XYLT1: variants seen among roughly 807,000 people sequenced by gnomAD.
XYLT1 encodes the protein beta-D-xylosyltransferase 1.
XYLT1 carries 36 observed loss-of-function variants against 91.3 expected under a neutral mutation model. The observed-to-expected ratio is 0.39, with a 90% CI of 0.30 to 0.52. The LOEUF is 0.52. Ranked by LOEUF, XYLT1 falls within the 20% of genes least tolerant of loss-of-function variation. The pLI is 0.68. For missense variants in XYLT1, 1,242 were observed against 1,284.5 expected, an observed-to-expected ratio of 0.97 and a Z score of 0.51; for synonymous variants, 588 against 532.0, an observed-to-expected ratio of 1.11 and a Z score of -1.45.
At chr16:17,417,802 A>G (rs1031949757) in intron 1 of XYLT1, among the ~76,000 whole-genome samples, 1 of 152,240 alleles carries the variant, frequency 6.6e-6, no homozygotes, top group Non-Finnish European at 1.5e-5. Context: ...CTAAGCCTCA[A>G]TGATAACATA....
chr16:17,441,795 G>A (rs911996693), intron 1 of XYLT1, among the ~76,000 whole-genome samples: 1 of 152,084 alleles, frequency 6.6e-6, no homozygotes. Flanking sequence ...ATCAAAAGGA[G>A]GATAAAGATC....
At chr16:17,429,375 A>G (rs968060225) in intron 1 of XYLT1, among the ~76,000 whole-genome samples, 1 of 152,232 alleles carries the variant, frequency 6.6e-6, no homozygotes, top group African/African-American at 2.4e-5. Context: ...CACTGGCCCA[A>G]AATAATTCTG....
intron 3 of XYLT1, 122 bp downstream of exon 3, chr16:17,258,866 C>G: frequency 8.2e-7 from 1 of 1,220,804 alleles, no homozygotes; most frequent in Non-Finnish European, 1.1e-6. Context: ...GTGTGCTCAT[C>G]TGGGGTTTGG....
At chr16:17,398,867 CAG>C (rs1178759915) in intron 1 of XYLT1, among the ~76,000 whole-genome samples, 7 of 53,130 alleles carry the variant, frequency 1.3e-4, no homozygotes, top group African/African-American at 4.5e-4. Context: ...TTGTTTTTGG[CAG>C]AGTCTTGCTC....
chr16:17,347,028 G>A (rs1356612721), intron 2 of XYLT1, among the ~76,000 whole-genome samples: 1 of 152,176 alleles, frequency 6.6e-6, no homozygotes, highest in Non-Finnish European at 1.5e-5. Context: ...GGGAGCCGGG[G>A]TAGCCCCACT....
chr16:17,186,229 G>A (rs912761556), intron 5 of XYLT1, among the ~76,000 whole-genome samples: 42 of 152,084 alleles, frequency 2.8e-4, no homozygotes, highest in African/African-American at 9.9e-4. Flanking sequence ...TCAGCCTCCC[G>A]AGTATCTGGG....
intron 1 of XYLT1, among the ~76,000 whole-genome samples, chr16:17,416,901 G>C (rs2036186834): frequency 6.6e-6 from 1 of 152,184 alleles, no homozygotes; most frequent in Non-Finnish European, 1.5e-5. Context: ...GTTTAACCTT[G>C]GTGCTGCTAG....
intron 1 of XYLT1, among the ~76,000 whole-genome samples, chr16:17,393,114 C>T (rs1334973907): frequency 2.0e-5 from 3 of 152,168 alleles, no homozygotes; most frequent in African/African-American, 7.2e-5. Context: ...CAGGCCAGAT[C>T]CTCCAGCGAC....
In XYLT1 at chr16:17,334,298, G is replaced by T. The variant is rs560655357; in HGVS notation, c.402+23714C>A. Among the ~76,000 whole-genome samples, 13 of 152,266 alleles carry T rather than the reference G, an allele frequency of 8.5e-5. No homozygotes were observed. The East Asian group carries it at 2.5e-3, about 29-fold the overall frequency. On this transcript the variant is annotated intron_variant, in intron 2 of 11. Coordinates refer to ENST00000261381, the MANE Select transcript of XYLT1 (RefSeq NM_022166.4). ...GTGCTAAGTGTTTCCTCCCAACAGTGCCTCATGATTGACAAACTGGTCTTG... is the reference window on the plus strand; with the variant it reads ...GTGCTAAGTGTTTCCTCCCAACAGTTCCTCATGATTGACAAACTGGTCTTG...
intron 3 of XYLT1, among the ~76,000 whole-genome samples, chr16:17,206,491 G>T (rs1045027219): frequency 6.6e-6 from 1 of 152,022 alleles, no homozygotes; most frequent in African/African-American, 2.4e-5. Flanking sequence ...CAGCCACGGG[G>T]GCCTGGGCAA....
At chr16:17,387,531 G>T (rs1294064547) in intron 1 of XYLT1, among the ~76,000 whole-genome samples, 1 of 152,166 alleles carries the variant, frequency 6.6e-6, no homozygotes, top group Non-Finnish European at 1.5e-5. Flanking sequence ...TTATCAGCGT[G>T]ATCATTATTA....
intron 3 of XYLT1, among the ~76,000 whole-genome samples, chr16:17,221,714 G>A (rs1178715800): frequency 6.6e-6 from 1 of 152,162 alleles, no homozygotes; most frequent in African/African-American, 2.4e-5. Context: ...ACTCTAACCT[G>A]GGCAACAGAG....
intron 3 of XYLT1, among the ~76,000 whole-genome samples, chr16:17,206,000 G>A (rs2032636946): frequency 6.6e-6 from 1 of 152,132 alleles, no homozygotes; most frequent in Non-Finnish European, 1.5e-5. Context: ...GCTCCCAGCT[G>A]GAGCCCAGCT....
At chr16:17,187,343 G>A (rs1358653882) in intron 5 of XYLT1, among the ~76,000 whole-genome samples, 2 of 138,890 alleles carry the variant, frequency 1.4e-5, no homozygotes, top group Admixed American at 8.1e-5. Flanking sequence ...GCAATGAGCC[G>A]AGATCACGCC....
rs549189913 is a variant in XYLT1 at position 17,439,885 on chromosome 16, G to A, written c.363+30549C>T. Among the ~76,000 whole-genome samples the A allele has an allele frequency of 7.2e-5, 11 of 152,244 alleles. No homozygotes were observed. The South Asian group carries it at 1.7e-3, about 23-fold the overall frequency. Reference sequence around the variant, plus strand: ...TCCCCACTCCCACCCAAATCCATCCGGAATGTGAGCCAGATTTAGTCACTC... The same window carrying A: ...TCCCCACTCCCACCCAAATCCATCCAGAATGTGAGCCAGATTTAGTCACTC... On this transcript the variant is annotated intron_variant, in intron 1 of 11. Coordinates refer to ENST00000261381, the MANE Select transcript of XYLT1 (RefSeq NM_022166.4).
chr16:17,320,482 C>CTT (rs11430162), intron 2 of XYLT1, among the ~76,000 whole-genome samples: 13,837 of 134,380 alleles, frequency 0.1, 964 homozygotes, highest in Middle Eastern at 0.19. Context: ...GGAAAAGTTT[C>CTT]TTTTTTTTTT....
At chr16:17,124,563 A>G (rs1012018742) in intron 10 of XYLT1, among the ~76,000 whole-genome samples, 1 of 152,190 alleles carries the variant, frequency 6.6e-6, no homozygotes, top group Non-Finnish European at 1.5e-5. Flanking sequence ...GACTTTAGAT[A>G]ACTTGATGAC....
At chr16:17,297,830 G>A (rs1400781233) in intron 2 of XYLT1, among the ~76,000 whole-genome samples, 2 of 152,066 alleles carry the variant, frequency 1.3e-5, no homozygotes, top group Non-Finnish European at 2.9e-5. Flanking sequence ...GACCATCCTG[G>A]CTAACACGGT....
intron 11 of XYLT1, among the ~76,000 whole-genome samples, chr16:17,117,213 A>T (rs1966854109): frequency 6.6e-6 from 1 of 152,212 alleles, no homozygotes; most frequent in Non-Finnish European, 1.5e-5. Context: ...TGAGTACTTT[A>T]AAAAAATGTA....
Sources: allele counts gnomAD v4.1 joint callset (sites outside exome capture counted in the v4.1 genomes callset), GRCh38; gene constraint gnomAD v4.1.1; transcripts MANE v1.5; gene names NCBI Gene and HGNC (gene_info 2026-07-23, HGNC 2026-07-21).